The following CACNA2D3 variants were observed in gnomAD, a reference collection of about 807,000 sequenced individuals.
The protein encoded by CACNA2D3 is voltage-dependent calcium channel subunit alpha-2/delta-3.
A neutral mutation model predicts 160.6 loss-of-function variants in CACNA2D3; 60 were observed. That is an observed-to-expected ratio of 0.37 (90% CI 0.30 to 0.46). The LOEUF is 0.46. Ranked by LOEUF, CACNA2D3 falls within the 20% of genes least tolerant of loss-of-function variation. The pLI is 1.00. For synonymous variants in CACNA2D3, 558 were observed against 492.9 expected (o/e 1.13, Z -1.75); for missense variants, 1,205 against 1,365.0 (o/e 0.88, Z 1.85).
At position 54,626,684 on chromosome 3, in the gene CACNA2D3, C is replaced by CAAAAAAAAAAAAA. The variant is rs71096430; in HGVS notation, c.964-1090_964-1078dup. On this transcript the variant is annotated intron_variant, in intron 9 of 37. Transcript: ENST00000474759. ...TAATAAAGGCGCACATGGTTCCAGT[C>CAAAAAAAAAAAAA]AAAAAAAAAAAAAAAAAAAAAAAAA... The CAAAAAAAAAAAAA allele has an allele frequency of 3.9e-4, 124 of 318,136 alleles. 1 individual carries two copies. Among genetic ancestry groups the CAAAAAAAAAAAAA allele is most frequent in the African/African-American group, 7.0e-4 (15 of 21,568 alleles). 19.7% of individuals were successfully genotyped at this position (318,136 alleles called of 1,614,324 possible).
chr3:54,868,441 CT>C (rs1699452582), intron 17 of CACNA2D3, among the ~76,000 whole-genome samples: 1 of 152,064 alleles, frequency 6.6e-6, no homozygotes, highest in Admixed American at 6.6e-5. Context: ...GATGGGAAAT[CT>C]TTTATTCCAT....
At chr3:54,730,631 T>A (rs1283947735) in intron 11 of CACNA2D3, among the ~76,000 whole-genome samples, 1 of 152,162 alleles carries the variant, frequency 6.6e-6, no homozygotes, top group Non-Finnish European at 1.5e-5. Flanking sequence ...ACCTACCAAG[T>A]AGCTGGAATT....
intron 2 of CACNA2D3, among the ~76,000 whole-genome samples, chr3:54,175,388 G>A (rs1172470455): frequency 6.6e-6 from 1 of 152,014 alleles, no homozygotes; most frequent in African/African-American, 2.4e-5. Context: ...AGACCGAGGC[G>A]GGCGGGTCAT....
intron 16 of CACNA2D3, among the ~76,000 whole-genome samples, 166 bp from the exon 17 acceptor site, chr3:54,846,227 A>G (rs1698928795): frequency 6.6e-6 from 1 of 152,246 alleles, no homozygotes; most frequent in South Asian, 2.1e-4. Context: ...TTTCCACCAA[A>G]TGTCAAGGAT....
intron 5 of CACNA2D3, among the ~76,000 whole-genome samples, chr3:54,537,194 T>C (rs911301653): frequency 6.6e-6 from 1 of 151,948 alleles, no homozygotes; most frequent in Non-Finnish European, 1.5e-5. Context: ...GATCATCTCA[T>C]GAAGAGCTCC....
chr3:54,372,097 T>C lies in CACNA2D3; in HGVS notation c.322-14618T>C, dbSNP rs532971173. Among the ~76,000 whole-genome samples the C allele has an allele frequency of 1.7e-4, 26 of 152,340 alleles. No individual in the cohort carries two copies. The East Asian group carries it at 4.1e-3, about 24-fold the overall frequency. ...CCCAAGGGCCTCAGAGATGGCTTTGTGGGCCTGGTTTGGTTTTCTTAGCCA... is the reference window on the plus strand; with the variant it reads ...CCCAAGGGCCTCAGAGATGGCTTTGCGGGCCTGGTTTGGTTTTCTTAGCCA... On this transcript the variant is annotated intron_variant, in intron 3 of 37. Coordinates refer to ENST00000474759, the MANE Select transcript of CACNA2D3 (RefSeq NM_018398.3).
At chr3:54,403,195 A>T (rs957342267) in intron 4 of CACNA2D3, among the ~76,000 whole-genome samples, 2 of 152,004 alleles carry the variant, frequency 1.3e-5, no homozygotes, top group Non-Finnish European at 2.9e-5. Context: ...CTCTGCAAAA[A>T]ATAAAAAAAA....
At chr3:54,350,966 C>CGGTTTTTTTTTTT (rs1559457706) in intron 3 of CACNA2D3, among the ~76,000 whole-genome samples, 3 of 63,284 alleles carry the variant, frequency 4.7e-5, no homozygotes, top group Non-Finnish European at 3.6e-5. Context: ...GATCTTGAGT[C>CGGTTTTTTTTTTT]TGTTTTTTTT....
chr3:54,938,758 G>C (rs1243920751), intron 27 of CACNA2D3, among the ~76,000 whole-genome samples: 2 of 152,120 alleles, frequency 1.3e-5, no homozygotes, highest in African/African-American at 4.8e-5. Flanking sequence ...AAATTTGAGA[G>C]CATGTTGAAA....
chr3:54,944,610 A>G (rs1284031401), intron 27 of CACNA2D3, among the ~76,000 whole-genome samples: 1 of 151,956 alleles, frequency 6.6e-6, no homozygotes, highest in Non-Finnish European at 1.5e-5. Context: ...TTTAGTAGAG[A>G]CAGGGTTTCA....
intron 2 of CACNA2D3, among the ~76,000 whole-genome samples, chr3:54,274,841 C>T (rs1702701964): frequency 1.3e-5 from 2 of 152,250 alleles, no homozygotes; most frequent in Admixed American, 1.3e-4. Flanking sequence ...CAGCTCACTG[C>T]ATGGCAGCTG....
rs577545211 is a variant in CACNA2D3 at position 54,129,744 on chromosome 3, C to T, written c.204+6150C>T. ...TGCTGTGGGTTCACAAAACAGACCTCGAGTTTTCCATTTTAGGTGAAACAA... is the reference window on the plus strand; with the variant it reads ...TGCTGTGGGTTCACAAAACAGACCTTGAGTTTTCCATTTTAGGTGAAACAA... On this transcript the variant is annotated intron_variant, in intron 2 of 37. Transcript: ENST00000474759. Among the ~76,000 whole-genome samples, 13 of 152,284 alleles carry T rather than the reference C, an allele frequency of 8.5e-5. No homozygotes were observed. In the South Asian group the frequency reaches 2.1e-3, roughly 24 times the overall value.
At chr3:55,027,026 C>T (rs1462689646) in intron 35 of CACNA2D3, among the ~76,000 whole-genome samples, 3 of 152,278 alleles carry the variant, frequency 2.0e-5, no homozygotes, top group African/African-American at 7.2e-5. Context: ...CTGGTCCTAA[C>T]AGAGCAAACA....
At chr3:54,632,525 A>G (rs1217395350) in intron 10 of CACNA2D3, 1 of 152,220 alleles carries the variant, frequency 6.6e-6, no homozygotes, top group Non-Finnish European at 1.5e-5. Flanking sequence ...CCAGGGTACA[A>G]GGCTGTTTTT....
At chr3:54,668,722 G>A (rs1244693413) in intron 11 of CACNA2D3, among the ~76,000 whole-genome samples, 1 of 152,244 alleles carries the variant, frequency 6.6e-6, no homozygotes, top group East Asian at 1.9e-4. Flanking sequence ...CAGGAGACAG[G>A]GAACCTGTGG....
chr3:54,491,053 TTC>T (rs144237909), intron 4 of CACNA2D3, among the ~76,000 whole-genome samples: 2 of 151,992 alleles, frequency 1.3e-5, no homozygotes, highest in African/African-American at 4.8e-5. Context: ...ATATTCTATA[TTC>T]TCTCTCTCTC....
At chr3:54,489,789 G>A (rs930468704) in intron 4 of CACNA2D3, among the ~76,000 whole-genome samples, 1 of 152,140 alleles carries the variant, frequency 6.6e-6, no homozygotes, top group Non-Finnish European at 1.5e-5. Context: ...AATTTTCTCA[G>A]GCTGGAGATT....
At chr3:54,744,089 C>T (rs1264286804) in intron 11 of CACNA2D3, among the ~76,000 whole-genome samples, 1 of 152,166 alleles carries the variant, frequency 6.6e-6, no homozygotes, top group African/African-American at 2.4e-5. Flanking sequence ...TGTCTCAGGG[C>T]TCCTGATTTC....
At chr3:54,426,075 G>A (rs1269885643) in intron 4 of CACNA2D3, among the ~76,000 whole-genome samples, 1 of 152,180 alleles carries the variant, frequency 6.6e-6, no homozygotes, top group African/African-American at 2.4e-5. Context: ...CTATAACTCA[G>A]GTGTGTGTCC....
Sources: allele counts gnomAD v4.1 joint callset (sites outside exome capture counted in the v4.1 genomes callset), GRCh38; gene constraint gnomAD v4.1.1; transcripts MANE v1.5; gene names NCBI Gene and HGNC (gene_info 2026-07-23, HGNC 2026-07-21).